Variants in OCA2 observed in about 807,000 individuals in gnomAD.
The protein encoded by OCA2 is P protein.
OCA2 carries 77 observed loss-of-function variants against 100.2 expected under a neutral mutation model. The ratio of observed to expected loss-of-function variants is 0.77; its 90% CI spans 0.64 to 0.93. The LOEUF is 0.93. Among genes scored for constraint, OCA2 ranks in the 40% least tolerant of loss-of-function variants. The pLI, the probability that OCA2 is intolerant of heterozygous loss-of-function variation, is 0.00. For synonymous variants in OCA2, 432 were observed against 439.2 expected (o/e 0.98, Z 0.21); for missense variants, 1,062 against 1,089.1 (o/e 0.98, Z 0.35).
At chr15:28,027,234 C>T (rs945480603) in intron 4 of OCA2, among the ~76,000 whole-genome samples, 1 of 152,168 alleles carries the variant, frequency 6.6e-6, no homozygotes, top group African/African-American at 2.4e-5. Flanking sequence ...CGCATGCGTA[C>T]TCCCACTCCC....
chr15:27,929,820 G>A (rs1382164160), intron 18 of OCA2, among the ~76,000 whole-genome samples: 1 of 151,446 alleles, frequency 6.6e-6, no homozygotes, highest in Non-Finnish European at 1.5e-5. Flanking sequence ...CAATTCAAAT[G>A]GGAAATATTT....
chr15:27,763,732 G>A (rs2151001444), intron 23 of OCA2, among the ~76,000 whole-genome samples: 1 of 152,354 alleles, frequency 6.6e-6, no homozygotes, highest in African/African-American at 2.4e-5. Context: ...TGGGCTGGGA[G>A]GAGACTGTGC....
intron 19 of OCA2, among the ~76,000 whole-genome samples, chr15:27,913,829 A>AG (rs1321425079): frequency 1.1e-4 from 8 of 71,658 alleles, no homozygotes; most frequent in African/African-American, 3.9e-4. Flanking sequence ...AAAGAAAGAA[A>AG]GAAAGAAAGG....
chr15:27,998,519 G>C (rs1244299068), intron 9 of OCA2, among the ~76,000 whole-genome samples: 3 of 149,784 alleles, frequency 2.0e-5, no homozygotes, highest in African/African-American at 7.3e-5. Flanking sequence ...ACACCAGTTA[G>C]AATGGTGATC....
chr15:27,913,838 G>GGAAAGAAAGAAAGAAAGAAA (rs367919609), intron 19 of OCA2, among the ~76,000 whole-genome samples: 1 of 37,036 alleles, frequency 2.7e-5, no homozygotes, highest in Non-Finnish European at 4.7e-5. Context: ...AAGAAAGAAA[G>GGAAAGAAAGAAAGAAAGAAA]GAAAGAAAGA....
chr15:27,753,675 G>T (rs2871773), downstream of OCA2, among the ~76,000 whole-genome samples: 51,279 of 151,694 alleles, frequency 0.34, 9,651 homozygotes, highest in Non-Finnish European at 0.42. Context: ...AGGCGGAGCT[G>T]GCAGTGAGCT....
intron 23 of OCA2, among the ~76,000 whole-genome samples, chr15:27,758,363 T>C (rs1239680341): frequency 6.6e-6 from 1 of 152,204 alleles, no homozygotes. Context: ...ATTAAGCTCC[T>C]TGGTGAAGGC....
At chr15:27,752,317 G>A (rs773874364), downstream of OCA2, among the ~76,000 whole-genome samples, 28 of 152,208 alleles carry the variant, frequency 1.8e-4, 1 homozygote, top group Non-Finnish European at 3.2e-4. Flanking sequence ...TATAGCAAAG[G>A]CACAGCTGGT....
At chr15:27,909,115 AAC>A (rs2038288929) in intron 19 of OCA2, among the ~76,000 whole-genome samples, 1 of 152,236 alleles carries the variant, frequency 6.6e-6, no homozygotes, top group African/African-American at 2.4e-5. Flanking sequence ...CAAAAAAATA[AAC>A]AGTAGAGAAC....
At chr15:27,976,305 A>C (rs1470461329) in intron 14 of OCA2, among the ~76,000 whole-genome samples, 1 of 152,236 alleles carries the variant, frequency 6.6e-6, no homozygotes, top group East Asian at 1.9e-4. Flanking sequence ...TTGAATAAAA[A>C]TAGTGAGAAC....
At chr15:28,061,836 T>C (rs2043882157) in intron 2 of OCA2, among the ~76,000 whole-genome samples, 1 of 152,246 alleles carries the variant, frequency 6.6e-6, no homozygotes, top group Non-Finnish European at 1.5e-5. Flanking sequence ...TATCGTTTTT[T>C]ATATCTGGCT....
chr15:27,990,412 A>G lies in OCA2; in HGVS notation c.1116+164T>C, dbSNP rs115343656. Reference sequence around the variant, plus strand: ...AAAACCTAATGAAAAGTACTCTTCAATGCTGTAGCTTGTTAGTTCATACCT... The same window carrying G: ...AAAACCTAATGAAAAGTACTCTTCAGTGCTGTAGCTTGTTAGTTCATACCT... On this transcript the variant is annotated intron_variant, in intron 10 of 23. Coordinates refer to ENST00000354638, the MANE Select transcript of OCA2 (RefSeq NM_000275.3). Among the ~76,000 whole-genome samples the G allele has an allele frequency of 5.0e-3, 759 of 152,348 alleles. 12 individuals are homozygous for G. Among genetic ancestry groups the G allele is most frequent in the African/African-American group, 0.017 (711 of 41,586 alleles).
At chr15:27,995,813 C>CTT (rs768060710) in intron 9 of OCA2, among the ~76,000 whole-genome samples, 42 of 136,826 alleles carry the variant, frequency 3.1e-4, no homozygotes, top group South Asian at 9.4e-4. Context: ...TTAAGCAACA[C>CTT]TTTTTTTTTT....
chr15:27,857,579 C>A (rs2035989387), intron 21 of OCA2, among the ~76,000 whole-genome samples: 1 of 151,660 alleles, frequency 6.6e-6, no homozygotes, highest in Admixed American at 6.6e-5. Context: ...ATGTGTTTTA[C>A]CACAATTTAA....
At chr15:27,973,618 G>A (rs911707673) in intron 14 of OCA2, among the ~76,000 whole-genome samples, 3 of 152,176 alleles carry the variant, frequency 2.0e-5, no homozygotes, top group Non-Finnish European at 2.9e-5. Flanking sequence ...GTAATGTGAT[G>A]TCTCTAGATT....
At chr15:27,948,974 T>C (rs1412894269) in intron 18 of OCA2, among the ~76,000 whole-genome samples, 2 of 152,206 alleles carry the variant, frequency 1.3e-5, no homozygotes, top group African/African-American at 4.8e-5. Flanking sequence ...GAAAGTTCTG[T>C]AACGGAGCTG....
intron 23 of OCA2, among the ~76,000 whole-genome samples, chr15:27,814,883 T>G (rs980600406): frequency 5.9e-5 from 6 of 101,754 alleles, no homozygotes; most frequent in African/African-American, 7.4e-5. Flanking sequence ...ATTCTCTCTC[T>G]ATAGATAGAT....
At chr15:27,888,788 T>C (rs1432016012) in intron 19 of OCA2, among the ~76,000 whole-genome samples, 2 of 152,336 alleles carry the variant, frequency 1.3e-5, no homozygotes, top group East Asian at 3.9e-4. Context: ...GAACTATATG[T>C]ATATGTGTGT....
intron 9 of OCA2, among the ~76,000 whole-genome samples, chr15:28,014,120 A>G (rs1408416593): frequency 2.0e-5 from 3 of 152,120 alleles, no homozygotes; most frequent in African/African-American, 7.2e-5. Flanking sequence ...TCATGCACTG[A>G]CCTTCCAGGC....
Sources: allele counts gnomAD v4.1 joint callset (sites outside exome capture counted in the v4.1 genomes callset), GRCh38; gene constraint gnomAD v4.1.1; transcripts MANE v1.5; gene names NCBI Gene and HGNC (gene_info 2026-07-23, HGNC 2026-07-21).